The following NEMP2 variants were observed in gnomAD, a reference collection of about 807,000 sequenced individuals.
The protein encoded by NEMP2 is nuclear envelope integral membrane protein 2.
A neutral mutation model predicts 54.2 loss-of-function variants in NEMP2; 53 were observed. That is an observed-to-expected ratio of 0.98 (90% CI 0.78 to 1.23). NEMP2 has a LOEUF of 1.23. Among genes scored for constraint, NEMP2 ranks in the 50% most tolerant of loss-of-function variants. NEMP2 has a pLI of 0.00. For synonymous variants in NEMP2, 197 were observed against 190.3 expected (o/e 1.04, Z -0.29); for missense variants, 455 against 511.3 (o/e 0.89, Z 1.06).
chr2:190,617,380 G>T, the NEMP2 span, among the ~76,000 whole-genome samples: 17 of 152,002 alleles, frequency 1.1e-4, no homozygotes, highest in African/African-American at 4.1e-4. This position sits in a 1 kb window ranked among gnomAD's most constrained non-coding sequence, Gnocchi z 5.0. Context: ...AATGCTTTAG[G>T]ACAATCAAAA....
At chr2:190,571,953 A>C in the NEMP2 span, among the ~76,000 whole-genome samples, 2 of 152,044 alleles carry the variant, frequency 1.3e-5, no homozygotes, top group African/African-American at 2.4e-5. Context: ...CATCCCCTGC[A>C]CTACAGCATG....
At chr2:190,638,287 C>G in the NEMP2 span, among the ~76,000 whole-genome samples, 1 of 152,132 alleles carries the variant, frequency 6.6e-6, no homozygotes, top group East Asian at 1.9e-4. The surrounding 1 kb of genome is among the most constrained non-coding windows in gnomAD (Gnocchi z 5.7). Context: ...CTCTGAGTAT[C>G]CATTCTGCTT....
chr2:190,599,557 T>C, the NEMP2 span, among the ~76,000 whole-genome samples: 10 of 152,244 alleles, frequency 6.6e-5, no homozygotes, highest in African/African-American at 2.4e-4. Flanking sequence ...ATATTGCCAA[T>C]GCATTTAAAA....
Position 190,521,162 on chromosome 2 carries a change from C to A in NEMP2, c.214-1979G>T, listed in dbSNP as rs1471265974. On this transcript the variant is annotated intron_variant, in intron 2 of 8. Coordinates refer to ENST00000409150, the MANE Select transcript of NEMP2 (RefSeq NM_001142645.2). The surrounding 1 kb of genome is among the most constrained non-coding windows in gnomAD (Gnocchi z 6.2). ...ATATTACTATTCATTCATTCTTCCA[C>A]CCTCTGCAACAAAGGATTTCACAAC... is the stretch of plus-strand genomic sequence containing the variant. Among the ~76,000 whole-genome samples, 7 of 152,186 alleles carry A rather than the reference C, an allele frequency of 4.6e-5. No individual in the cohort carries two copies. The highest frequency in any genetic ancestry group is 8.8e-5 in the Non-Finnish European group (6 of 68,030).
At chr2:190,608,458 G>T in the NEMP2 span, 1 of 152,116 alleles carries the variant, frequency 6.6e-6, no homozygotes, top group African/African-American at 2.4e-5. The surrounding 1 kb of genome is among the most constrained non-coding windows in gnomAD (Gnocchi z 4.9). Context: ...AACTGTAAAC[G>T]TCATGGCCAT....
chr2:190,463,921 A>G, the NEMP2 span: 3 of 982,600 alleles, frequency 3.1e-6, no homozygotes, highest in Non-Finnish European at 3.6e-6. This position sits in a 1 kb window ranked among gnomAD's most constrained non-coding sequence, Gnocchi z 4.4. Flanking sequence ...AACGTAATCC[A>G]GTTTATATAT....
chr2:190,632,586 T>C, the NEMP2 span, among the ~76,000 whole-genome samples: 2 of 152,258 alleles, frequency 1.3e-5, no homozygotes, highest in African/African-American at 4.8e-5. This position sits in a 1 kb window ranked among gnomAD's most constrained non-coding sequence, Gnocchi z 4.8. Context: ...AAGAGCAGGG[T>C]AGAATATGTG....
upstream of NEMP2, chr2:190,534,924 C>CGGCCTT (rs1226190551): frequency 6.3e-6 from 2 of 318,874 alleles, no homozygotes; most frequent in African/African-American, 2.2e-5. Flanking sequence ...GCCTCGGCCT[C>CGGCCTT]GGCCTTGGCC....
chr2:190,449,021 G>T, the NEMP2 span, among the ~76,000 whole-genome samples: 1 of 152,154 alleles, frequency 6.6e-6, no homozygotes. Flanking sequence ...AAATACCTCA[G>T]GTAAACATTG....
At chr2:190,497,013 A>C in the NEMP2 span, among the ~76,000 whole-genome samples, 1 of 152,146 alleles carries the variant, frequency 6.6e-6, no homozygotes, top group Non-Finnish European at 1.5e-5. The surrounding 1 kb of genome is among the most constrained non-coding windows in gnomAD (Gnocchi z 5.2). Flanking sequence ...CCATTAGAGA[A>C]CTTACGTAAC....
the NEMP2 span, among the ~76,000 whole-genome samples, chr2:190,493,594 T>C: frequency 6.6e-6 from 1 of 152,130 alleles, no homozygotes; most frequent in Non-Finnish European, 1.5e-5. Flanking sequence ...TGCATGGAAC[T>C]TTCTCCAAGA....
chr2:190,597,113 A>G, the NEMP2 span, among the ~76,000 whole-genome samples: 35 of 151,900 alleles, frequency 2.3e-4, no homozygotes, highest in South Asian at 4.0e-3. This position sits in a 1 kb window ranked among gnomAD's most constrained non-coding sequence, Gnocchi z 4.7. Context: ...AAATTTTTCT[A>G]ATTAGTTGGG....
the NEMP2 span, among the ~76,000 whole-genome samples, chr2:190,544,930 CAAAAAAA>C: frequency 3.3e-5 from 3 of 90,790 alleles, no homozygotes; most frequent in African/African-American, 1.4e-4. Flanking sequence ...TCTACCCCCG[CAAAAAAA>C]AAAAAAAAAA....
At chr2:190,501,960 G>A (rs1271782842), downstream of NEMP2, 4 of 152,602 alleles carry the variant, frequency 2.6e-5, no homozygotes, top group Non-Finnish European at 5.9e-5. Flanking sequence ...CTGACTGTAG[G>A]AAGTCAAAAA....
At chr2:190,437,208 C>T in the NEMP2 span, 19 of 1,614,128 alleles carry the variant, frequency 1.2e-5, no homozygotes, top group Non-Finnish European at 1.6e-5. The surrounding 1 kb of genome is among the most constrained non-coding windows in gnomAD (Gnocchi z 5.9). Context: ...GGTTCCGCTA[C>T]AACCATTTCA....
In NEMP2 at chr2:190,515,201, T is replaced by C. The variant is rs200613328; in HGVS notation, c.728-523A>G. 4.6e-5 allele frequency among the ~76,000 whole-genome samples: 7 copies of C among 152,306 alleles called. No individual in the cohort carries two copies. In the East Asian group the frequency reaches 1.3e-3, roughly 29 times the overall value. ...CTCTTAGGTATTCTATCTTAAGTGT[T>C]TAATTTATATCTAACCAAGCCTTGA... On this transcript the variant is annotated intron_variant, in intron 6 of 8. Coordinates refer to ENST00000409150, the MANE Select transcript of NEMP2 (RefSeq NM_001142645.2).
At chr2:190,476,304 C>T in the NEMP2 span, among the ~76,000 whole-genome samples, 1 of 152,142 alleles carries the variant, frequency 6.6e-6, no homozygotes, top group Non-Finnish European at 1.5e-5. Flanking sequence ...TTGCAATCTA[C>T]TCATCTGACA....
At chr2:190,482,868 C>CTTTTTTTTT in the NEMP2 span, among the ~76,000 whole-genome samples, 19 of 48,266 alleles carry the variant, frequency 3.9e-4, 3 homozygotes, top group Middle Eastern at 0.018. Flanking sequence ...AGACTATCAT[C>CTTTTTTTTT]TTTTTTTTTT....
At chr2:190,495,264 T>C in the NEMP2 span, among the ~76,000 whole-genome samples, 3 of 151,678 alleles carry the variant, frequency 2.0e-5, no homozygotes, top group South Asian at 4.2e-4. The surrounding 1 kb of genome is among the most constrained non-coding windows in gnomAD (Gnocchi z 4.7). Context: ...CTGCAAAAAA[T>C]AAAGTATTTA....
Sources: gnomAD v4.1 joint callset for allele counts (sites outside exome capture counted in the v4.1 genomes callset) on GRCh38, gnomAD v4.1.1 for gene constraint, Gnocchi (gnomAD v3.1) non-coding constraint, MANE v1.5 for transcripts, NCBI Gene and HGNC (gene_info 2026-07-23, HGNC 2026-07-21) for gene names.